GRXCR2: variants seen among roughly 807,000 people sequenced by gnomAD.
GRXCR2 encodes the protein glutaredoxin and cysteine rich domain containing 2.
GRXCR2 carries 23 observed loss-of-function variants against 24.8 expected under a neutral mutation model. The observed-to-expected ratio is 0.93, with a 90% CI of 0.67 to 1.32. GRXCR2 has a LOEUF of 1.32. Ranked by LOEUF, GRXCR2 falls within the 40% of genes most tolerant of loss-of-function variation. GRXCR2 has a pLI of 0.00. For synonymous variants in GRXCR2, 130 were observed against 116.1 expected, an observed-to-expected ratio of 1.12 and a Z score of -0.77; for missense variants, 315 against 303.4, an observed-to-expected ratio of 1.04 and a Z score of -0.28.
chr5:145,896,667 C>T (rs1050688909), intron 2 of GRXCR2, among the ~76,000 whole-genome samples: 70 of 152,242 alleles, frequency 4.6e-4, no homozygotes, highest in Non-Finnish European at 8.2e-4. Flanking sequence ...GAAATAGGAA[C>T]ACTTTTATAC....
chr5:145,904,595 CG>C (rs1757065984), intron 2 of GRXCR2, among the ~76,000 whole-genome samples: 1 of 152,224 alleles, frequency 6.6e-6, no homozygotes, highest in South Asian at 2.1e-4. Flanking sequence ...TCCCCTGCTC[CG>C]TGTGGTCCTG....
intron 2 of GRXCR2, among the ~76,000 whole-genome samples, chr5:145,923,772 C>T (rs1427729192): frequency 1.3e-5 from 2 of 152,062 alleles, no homozygotes; most frequent in Non-Finnish European, 2.9e-5. Context: ...TCCATTATAT[C>T]CATATCGATA....
At chr5:145,878,733 A>T (rs1233691956) in intron 2 of GRXCR2, among the ~76,000 whole-genome samples, 1 of 152,144 alleles carries the variant, frequency 6.6e-6, no homozygotes, top group Non-Finnish European at 1.5e-5. Flanking sequence ...GCAACCTCAA[A>T]ACACATAATT....
chr5:145,896,338 C>A (rs748387634), intron 2 of GRXCR2, among the ~76,000 whole-genome samples: 10 of 152,112 alleles, frequency 6.6e-5, no homozygotes, highest in South Asian at 4.2e-4. Flanking sequence ...CATCAGAGTG[C>A]ACAGGCAACC....
intron 2 of GRXCR2, among the ~76,000 whole-genome samples, chr5:145,864,297 C>A (rs919992603): frequency 1.3e-5 from 2 of 151,938 alleles, no homozygotes; most frequent in Admixed American, 1.3e-4. Context: ...GTGTCTGGGG[C>A]CAAGAGCATG....
intron 2 of GRXCR2, among the ~76,000 whole-genome samples, chr5:145,898,287 TAA>T (rs35725132): frequency 2.2e-5 from 3 of 138,580 alleles, no homozygotes; most frequent in Non-Finnish European, 1.6e-5. Flanking sequence ...AATCAGTAAT[TAA>T]AAAAAAAAAA....
Position 145,918,447 on chromosome 5 carries a change from C to T in GRXCR2, c.-70+17254G>A, listed in dbSNP as rs545214580. Among the ~76,000 whole-genome samples, 45 of 152,294 alleles carry T rather than the reference C, an allele frequency of 3.0e-4. 1 individual carries two copies. The South Asian group carries it at 9.3e-3, about 32-fold the overall frequency. ...GTAACTTAGACGTAAGTTACTCTTT[C>T]CTCTTAAAAGTAAATATTTTGTAGT... On this transcript the variant is annotated intron_variant, in intron 2 of 3. Coordinates refer to the GRXCR2 transcript ENST00000639411.
At chr5:145,880,863 G>A (rs1265150042) in intron 2 of GRXCR2, among the ~76,000 whole-genome samples, 1 of 152,172 alleles carries the variant, frequency 6.6e-6, no homozygotes, top group Non-Finnish European at 1.5e-5. Context: ...TGGGATACAA[G>A]ACTGGTTGAA....
chr5:145,904,902 C>A (rs1271178936), intron 2 of GRXCR2, among the ~76,000 whole-genome samples: 1 of 152,136 alleles, frequency 6.6e-6, no homozygotes, highest in Non-Finnish European at 1.5e-5. Context: ...TGGTTCTTCT[C>A]CCCTCCGTGG....
chr5:145,889,178 AAGAAAGAAAGAAAGAAAGAAAG>A (rs1756822790), intron 2 of GRXCR2, among the ~76,000 whole-genome samples: 2 of 105,052 alleles, frequency 1.9e-5, no homozygotes, highest in African/African-American at 3.9e-5. Context: ...CAAAAAAAGA[AAGAAAGAAAGAAAGAAAGAAAG>A]AAAGAAAGAA....
intron 2 of GRXCR2, among the ~76,000 whole-genome samples, chr5:145,918,562 T>A (rs1296907710): frequency 6.6e-6 from 1 of 152,202 alleles, no homozygotes; most frequent in African/African-American, 2.4e-5. Flanking sequence ...AAGGTCAAAG[T>A]GTCCAGGAAA....
chr5:145,859,974 C>T lies in GRXCR2; in HGVS notation c.565-59G>A, dbSNP rs552971618. The T allele has an allele frequency of 4.3e-5, 59 of 1,365,970 alleles. 1 individual carries two copies. The African/African-American group carries it at 6.4e-4, about 15-fold the overall frequency. 84.6% of individuals were successfully genotyped at this position (1,365,970 alleles called of 1,614,324 possible). ...GCAGTTCAAGTCCGTTGTTCACATG[C>T]AGGTCAAAACAGCACTAGACTACAG... On this transcript the variant is annotated intron_variant, in intron 2 of 2. Coordinates refer to ENST00000377976, the MANE Select transcript of GRXCR2 (RefSeq NM_001080516.2).
Position 145,925,183 on chromosome 5 carries a change from A to AG in GRXCR2, c.-70+10517dup, listed in dbSNP as rs142250810. On this transcript the variant is annotated intron_variant, in intron 2 of 3. Coordinates refer to the GRXCR2 transcript ENST00000639411. Reference sequence around the variant, plus strand: ...ACAGCATGTTTAAGTAATTTGCTGTAGGTCACACTCTTATTTAATAAGATG... The same window carrying AG: ...ACAGCATGTTTAAGTAATTTGCTGTAGGGTCACACTCTTATTTAATAAGATG... Among the ~76,000 whole-genome samples, 305 of 152,340 alleles carry AG rather than the reference A, an allele frequency of 2.0e-3. 1 individual carries two copies. The highest frequency in any genetic ancestry group is 0.01 in the Middle Eastern group (3 of 294).
chr5:145,915,941 T>C (rs945372619), intron 2 of GRXCR2, among the ~76,000 whole-genome samples: 3 of 152,026 alleles, frequency 2.0e-5, no homozygotes, highest in Non-Finnish European at 4.4e-5. Context: ...AAATATTAGC[T>C]CAAATGCACA....
chr5:145,870,923 T>A (rs1756518229), intron 1 of GRXCR2, among the ~76,000 whole-genome samples: 1 of 152,144 alleles, frequency 6.6e-6, no homozygotes, highest in Non-Finnish European at 1.5e-5. Flanking sequence ...CCATGAAGAC[T>A]CATTTACCTA....
intron 1 of GRXCR2, 48 bp from the exon 2 acceptor site, chr5:145,866,776 G>A: frequency 8.3e-7 from 1 of 1,197,612 alleles, no homozygotes; most frequent in African/African-American, 1.5e-5. Flanking sequence ...CAATCACCAA[G>A]TAGAGGGCTG....
intron 2 of GRXCR2, among the ~76,000 whole-genome samples, chr5:145,879,640 T>C (rs1270675988): frequency 1.3e-5 from 2 of 152,150 alleles, no homozygotes; most frequent in Admixed American, 1.3e-4. Flanking sequence ...TTAGACAGAT[T>C]AATGAGACAG....
rs571655874 is a variant in GRXCR2, at chr5:145,912,876, C to G, written c.-70+22825G>C. Reference sequence around the variant, plus strand: ...AGAAGTAGGGCCAGCTCATGCGGGCCTGGTATAGGTTTTGGATTTAATCCA... The same window carrying G: ...AGAAGTAGGGCCAGCTCATGCGGGCGTGGTATAGGTTTTGGATTTAATCCA... On this transcript the variant is annotated intron_variant, in intron 2 of 3. Transcript: ENST00000639411. Among the ~76,000 whole-genome samples the G allele has an allele frequency of 4.5e-3, 678 of 152,174 alleles. 7 individuals carry two copies. Among genetic ancestry groups the G allele is most frequent in the African/African-American group, 0.015 (642 of 41,506 alleles).
intron 2 of GRXCR2, among the ~76,000 whole-genome samples, chr5:145,903,329 T>C (rs1376237581): frequency 6.6e-6 from 1 of 152,216 alleles, no homozygotes; most frequent in East Asian, 1.9e-4. Flanking sequence ...AGACAGGTAG[T>C]GCAGTCCCCA....
Sources: gnomAD v4.1 joint callset for allele counts (sites outside exome capture counted in the v4.1 genomes callset) on GRCh38, gnomAD v4.1.1 for gene constraint, MANE v1.5 for transcripts, NCBI Gene and HGNC (gene_info 2026-07-23, HGNC 2026-07-21) for gene names.